CDC42BPA: variants seen among roughly 807,000 people sequenced by gnomAD.
The protein encoded by CDC42BPA is serine/threonine-protein kinase MRCK alpha.
In CDC42BPA, 80 loss-of-function variants were observed where a neutral mutation model predicts 223.5. The observed-to-expected ratio is 0.36, with a 90% confidence interval of 0.30 to 0.43. CDC42BPA has a LOEUF of 0.43. Ranked by LOEUF, CDC42BPA falls within the 20% of genes least tolerant of loss-of-function variation. The probability of loss-of-function intolerance (pLI) is 1.00; values close to 1 mark genes in which losing one functional copy is unlikely to be tolerated. For synonymous variants in CDC42BPA, 694 were observed against 718.6 expected, an observed-to-expected ratio of 0.97 and a Z score of 0.55; for missense variants, 1,743 against 2,099.9, an observed-to-expected ratio of 0.83 and a Z score of 3.32.
At chr1:227,304,724 C>G (rs1258604818) in intron 1 of CDC42BPA, among the ~76,000 whole-genome samples, 1 of 152,056 alleles carries the variant, frequency 6.6e-6, no homozygotes, top group Non-Finnish European at 1.5e-5. Flanking sequence ...CATGAATAAT[C>G]AAAGTTATGG....
At chr1:227,211,475 A>T (rs911816931) in intron 3 of CDC42BPA, among the ~76,000 whole-genome samples, 1 of 152,192 alleles carries the variant, frequency 6.6e-6, no homozygotes, top group African/African-American at 2.4e-5. Context: ...CACTATTCCC[A>T]ATAGCAAAGT....
At chr1:227,169,676 A>C (rs1168793381) in intron 5 of CDC42BPA, among the ~76,000 whole-genome samples, 18 of 152,052 alleles carry the variant, frequency 1.2e-4, no homozygotes, top group Non-Finnish European at 8.8e-5. Context: ...TGCCATTTTC[A>C]CCCAGCCCCA....
chr1:227,037,516 A>G (rs1348673117), intron 24 of CDC42BPA, among the ~76,000 whole-genome samples: 1 of 152,206 alleles, frequency 6.6e-6, no homozygotes, highest in Non-Finnish European at 1.5e-5. Context: ...GAACTAACCA[A>G]ACAGAATGCA....
At chr1:227,156,125 T>A (rs1183342000) in intron 6 of CDC42BPA, among the ~76,000 whole-genome samples, 5 of 77,978 alleles carry the variant, frequency 6.4e-5, no homozygotes, top group East Asian at 3.1e-4. Flanking sequence ...TTATAGTTTT[T>A]TTTTTGTTTT....
chr1:227,000,306 T>C (rs1204361552), intron 35 of CDC42BPA, among the ~76,000 whole-genome samples: 1 of 152,174 alleles, frequency 6.6e-6, no homozygotes, highest in Non-Finnish European at 1.5e-5. Context: ...ACTTTTTTGA[T>C]GTGGAACGTG....
chr1:227,034,341 C>T (rs143564843), intron 26 of CDC42BPA, among the ~76,000 whole-genome samples: 341 of 152,258 alleles, frequency 2.2e-3, no homozygotes, highest in Non-Finnish European at 3.9e-3. Flanking sequence ...TGAAATTATA[C>T]TCTAAGCCTT....
chr1:227,117,696 T>G (rs1687985016), intron 12 of CDC42BPA, among the ~76,000 whole-genome samples: 1 of 151,918 alleles, frequency 6.6e-6, no homozygotes, highest in Non-Finnish European at 1.5e-5. Flanking sequence ...AATTTAAAAC[T>G]TTAAGATAAA....
At chr1:227,162,998 G>A (rs376973387) in intron 5 of CDC42BPA, among the ~76,000 whole-genome samples, 1 of 49,220 alleles carries the variant, frequency 2.0e-5, no homozygotes, top group African/African-American at 6.9e-5. Context: ...TTCCAAACAT[G>A]TGTATGTTTC....
Position 226,994,789 on chromosome 1 carries a change from G to C in CDC42BPA, c.5133+34C>G. On this transcript the variant is annotated intron_variant, in intron 36 of 36. Transcript: ENST00000366766. The surrounding 1 kb of genome is among the most constrained non-coding windows in gnomAD (Gnocchi z 4.0). The stretch of plus-strand genomic sequence containing the variant: ...CCTGGGAAGATGCCCTAGTCTTTCT[G>C]ATACATGACGTCTCCGGAACCCTGC... The C allele has an allele frequency of 1.3e-6, 2 of 1,570,474 alleles. No individual in the cohort carries two copies. The highest frequency in any genetic ancestry group is 8.6e-7 in the Non-Finnish European group (1 of 1,156,294).
intron 5 of CDC42BPA, among the ~76,000 whole-genome samples, chr1:227,184,796 T>C (rs1469797945): frequency 6.6e-6 from 1 of 152,200 alleles, no homozygotes; most frequent in Non-Finnish European, 1.5e-5. Flanking sequence ...ACTAAGTCTG[T>C]AGATCAATTT....
chr1:227,193,713 GGC>G, intron 5 of CDC42BPA, 71 bp downstream of exon 5: 1 of 1,150,342 alleles, frequency 8.7e-7, no homozygotes. Flanking sequence ...TAATAAATCT[GGC>G]AAGAAATAGG....
intron 35 of CDC42BPA, among the ~76,000 whole-genome samples, chr1:226,997,291 T>C (rs1264955123): frequency 6.6e-6 from 1 of 152,332 alleles, no homozygotes; most frequent in East Asian, 1.9e-4. Flanking sequence ...TTCTGTGGGA[T>C]CAGTGGTGAT....
At chr1:227,140,128 A>C (rs1331337893) in intron 9 of CDC42BPA, among the ~76,000 whole-genome samples, 1 of 152,220 alleles carries the variant, frequency 6.6e-6, no homozygotes, top group African/African-American at 2.4e-5. Flanking sequence ...CTTTACTAGA[A>C]TTTGAAATTC....
At chr1:227,316,631 T>C (rs1460121443) in intron 1 of CDC42BPA, among the ~76,000 whole-genome samples, 1 of 152,362 alleles carries the variant, frequency 6.6e-6, no homozygotes, top group East Asian at 1.9e-4. Flanking sequence ...ATAGTCTGAA[T>C]GTTTCCACCA....
Position 227,147,277 on chromosome 1 carries a change from GAAAAATATTTTC to G in CDC42BPA, c.894+70_894+81del, listed in dbSNP as rs1371926785. 4.1e-6 allele frequency: 4 copies of G among 984,720 alleles called. No homozygotes were observed. The African/African-American group carries it at 6.6e-5, about 16-fold the overall frequency. The allele number at this position is 984,720 out of a possible 1,614,324, so 61.0% of individuals were successfully genotyped here. A position where few individuals can be genotyped will look rare whatever the true frequency, so the allele number is the denominator to read the frequency against. On this transcript the variant is annotated intron_variant, in intron 7 of 36. Transcript: ENST00000366766. ...GAAATGTGATTGTTCACTGTTTTTA[GAAAAATATTTTC>G]TCTTTAAAAATGGTTTTATTATATG... is the stretch of plus-strand genomic sequence containing the variant.
intron 16 of CDC42BPA, among the ~76,000 whole-genome samples, chr1:227,082,936 G>A (rs1049771843): frequency 4.6e-5 from 7 of 152,110 alleles, no homozygotes; most frequent in Non-Finnish European, 8.8e-5. Flanking sequence ...TCATGCCTTT[G>A]AACGTAATGT....
chr1:227,069,316 G>C (rs1251026073), intron 21 of CDC42BPA: 1 of 152,408 alleles, frequency 6.6e-6, no homozygotes, highest in Admixed American at 6.5e-5. Flanking sequence ...ATGCCTAACA[G>C]AGTCTATGTA....
intron 3 of CDC42BPA, among the ~76,000 whole-genome samples, chr1:227,204,643 C>T (rs1473810324): frequency 1.3e-5 from 2 of 152,124 alleles, no homozygotes; most frequent in Admixed American, 6.5e-5. Context: ...ACACCAATAT[C>T]TCTAACAGCA....
rs1252302005 is a variant in CDC42BPA at position 227,296,701 on chromosome 1, C to A, written c.178+20304G>T. Among the ~76,000 whole-genome samples the A allele has an allele frequency of 2.1e-5, 3 of 143,400 alleles. No homozygotes were observed. The East Asian group carries it at 6.0e-4, about 29-fold the overall frequency. The allele number at this position is 143,400 out of a possible 152,430, so 94.1% of individuals were successfully genotyped here. On this transcript the variant is annotated intron_variant, in intron 1 of 36. Transcript: ENST00000366766. ...AGCCTGGGAAACAGAGAGAGACTCT[C>A]CCCACATCAAAAAAAAAAAAAAAAA...
Sources: allele counts gnomAD v4.1 joint callset (sites outside exome capture counted in the v4.1 genomes callset), GRCh38; gene constraint gnomAD v4.1.1; non-coding constraint Gnocchi (gnomAD v3.1); transcripts MANE v1.5; gene names NCBI Gene and HGNC (gene_info 2026-07-23, HGNC 2026-07-21).